Variants in PIERCE2 observed in about 807,000 individuals in gnomAD.
PIERCE2 encodes piercer of microtubule wall 2 protein.
the PIERCE2 span, among the ~76,000 whole-genome samples, chr15:55,417,415 A>G: frequency 6.6e-6 from 1 of 151,950 alleles, no homozygotes; most frequent in Non-Finnish European, 1.5e-5. Flanking sequence ...GTCTTCATTA[A>G]TATCTTGTAT....
chr15:55,409,045 A>G, the PIERCE2 span, among the ~76,000 whole-genome samples: 1 of 152,170 alleles, frequency 6.6e-6, no homozygotes, highest in Non-Finnish European at 1.5e-5. Flanking sequence ...TGAACAAGAA[A>G]AACGTACTTT....
the PIERCE2 span, among the ~76,000 whole-genome samples, chr15:55,415,978 G>A: frequency 2.0e-5 from 3 of 152,058 alleles, no homozygotes; most frequent in Non-Finnish European, 2.9e-5. Context: ...GTAATGCTGT[G>A]AATTAAATTT....
chr15:55,415,438 G>A, the PIERCE2 span, among the ~76,000 whole-genome samples: 24 of 146,900 alleles, frequency 1.6e-4, no homozygotes, highest in African/African-American at 5.1e-4. Flanking sequence ...CCTGGGGGAC[G>A]AGAGTGAAAC....
At chr15:55,413,569 A>AC in the PIERCE2 span, among the ~76,000 whole-genome samples, 3 of 151,676 alleles carry the variant, frequency 2.0e-5, no homozygotes, top group East Asian at 5.9e-4. Flanking sequence ...GACCAGCCTG[A>AC]CCAACATGGA....
the PIERCE2 span, chr15:55,418,185 T>A: frequency 6.4e-7 from 1 of 1,561,468 alleles, no homozygotes; most frequent in African/African-American, 1.4e-5. Flanking sequence ...TTTTCAGAAC[T>A]TTATAATGGA....
the PIERCE2 span, among the ~76,000 whole-genome samples, chr15:55,412,927 C>T: frequency 2.3e-3 from 352 of 151,984 alleles, 9 homozygotes; most frequent in Non-Finnish European, 1.2e-4. Context: ...ACCAGGAGTT[C>T]AAGACCAGCC....
the PIERCE2 span, chr15:55,418,486 T>C: frequency 6.5e-7 from 1 of 1,529,068 alleles, no homozygotes; most frequent in Non-Finnish European, 8.8e-7. Flanking sequence ...TCAGAGCAAC[T>C]GGATTTTATC....
chr15:55,413,959 A>G, the PIERCE2 span, among the ~76,000 whole-genome samples: 2 of 150,370 alleles, frequency 1.3e-5, no homozygotes, highest in African/African-American at 4.9e-5. Context: ...GTGCAGTGGC[A>G]GGATCTCGGC....
At chr15:55,417,847 T>G in the PIERCE2 span, 38 of 274,364 alleles carry the variant, frequency 1.4e-4, no homozygotes, top group East Asian at 1.4e-4. Flanking sequence ...GTGGGGCCGT[T>G]TTATAGGATT....
At chr15:55,413,140 C>T in the PIERCE2 span, among the ~76,000 whole-genome samples, 3 of 151,948 alleles carry the variant, frequency 2.0e-5, no homozygotes, top group Non-Finnish European at 2.9e-5. Context: ...CGGTGGCTGG[C>T]GCCTGTAGTT....
At chr15:55,408,848 C>T in the PIERCE2 span, 24 of 1,238,770 alleles carry the variant, frequency 1.9e-5, no homozygotes, top group Non-Finnish European at 2.6e-5. Flanking sequence ...TAATTTGAGG[C>T]ACCACCTACT....
the PIERCE2 span, among the ~76,000 whole-genome samples, chr15:55,409,637 C>T: frequency 6.6e-6 from 1 of 152,130 alleles, no homozygotes; most frequent in African/African-American, 2.4e-5. Flanking sequence ...TATTCAACAT[C>T]AACAGTGACA....
chr15:55,417,634 T>C, the PIERCE2 span: 1 of 152,700 alleles, frequency 6.5e-6, no homozygotes, highest in African/African-American at 2.4e-5. Context: ...ATTCTCATAG[T>C]TCTAGTACAG....
the PIERCE2 span, chr15:55,418,451 A>G: frequency 5.3e-6 from 8 of 1,522,096 alleles, no homozygotes; most frequent in Admixed American, 2.0e-5. Context: ...TTATACTCCA[A>G]AGGAGCAAGT....
the PIERCE2 span, chr15:55,410,785 G>GCGCA: frequency 6.6e-6 from 1 of 152,186 alleles, no homozygotes; most frequent in African/African-American, 2.4e-5. Flanking sequence ...GTACTTTTCT[G>GCGCA]CGCAAGTCAC....
At chr15:55,411,511 C>A in the PIERCE2 span, among the ~76,000 whole-genome samples, 1 of 151,900 alleles carries the variant, frequency 6.6e-6, no homozygotes, top group Non-Finnish European at 1.5e-5. Flanking sequence ...TTTGGCCAGG[C>A]GCAGTGGCTC....
At chr15:55,410,217 A>T in the PIERCE2 span, among the ~76,000 whole-genome samples, 1 of 152,216 alleles carries the variant, frequency 6.6e-6, no homozygotes, top group African/African-American at 2.4e-5. Flanking sequence ...GGTACTAATT[A>T]TGCCAACAAA....
At chr15:55,418,673 A>C in the PIERCE2 span, 1 of 795,752 alleles carries the variant, frequency 1.3e-6, no homozygotes. Context: ...GTTTTGAATC[A>C]ATTTTTAAAA....
At chr15:55,408,724 C>G in the PIERCE2 span, 1 of 1,455,152 alleles carries the variant, frequency 6.9e-7, no homozygotes, top group African/African-American at 1.4e-5. Flanking sequence ...CCATCTGCTG[C>G]ATGAAAACTG....
Sources: gnomAD v4.1 joint callset for allele counts (sites outside exome capture counted in the v4.1 genomes callset) on GRCh38, gnomAD v4.1.1 for gene constraint, MANE v1.5 for transcripts, NCBI Gene and HGNC (gene_info 2026-07-23, HGNC 2026-07-21) for gene names.